Variants in TANC2 observed in about 807,000 individuals in gnomAD.
TANC2 encodes the protein protein TANC2.
TANC2 carries 26 observed loss-of-function variants against 210.5 expected under a neutral mutation model. That is an observed-to-expected ratio of 0.12 (90% CI 0.09 to 0.17). The LOEUF (loss-of-function observed/expected upper bound fraction) is 0.17. Ranked by LOEUF, TANC2 falls within the 10% of genes least tolerant of loss-of-function variation. The pLI is 1.00. For missense variants in TANC2, 2,129 were observed against 2,608.9 expected, an observed-to-expected ratio of 0.82 and a Z score of 4.01; for synonymous variants, 931 against 967.1, an observed-to-expected ratio of 0.96 and a Z score of 0.69.
intron 15 of TANC2, among the ~76,000 whole-genome samples, chr17:63,380,338 A>G (rs996103897): frequency 1.3e-5 from 2 of 152,220 alleles, no homozygotes; most frequent in African/African-American, 4.8e-5. Context: ...AACCTTTAAG[A>G]ACTCTATAAC....
chr17:63,081,165 G>A (rs946418696), intron 3 of TANC2, among the ~76,000 whole-genome samples: 1 of 152,094 alleles, frequency 6.6e-6, no homozygotes, highest in Non-Finnish European at 1.5e-5. Flanking sequence ...TTAATTTGTT[G>A]TAGATTTTTT....
At chr17:63,385,581 T>G (rs552119771) in intron 15 of TANC2, among the ~76,000 whole-genome samples, 9 of 152,244 alleles carry the variant, frequency 5.9e-5, no homozygotes, top group Non-Finnish European at 1.2e-4. Flanking sequence ...AAATGAGAGT[T>G]TGTAATTGAT....
At chr17:63,364,849 ATT>A (rs1438541359) in intron 14 of TANC2, among the ~76,000 whole-genome samples, 1 of 152,132 alleles carries the variant, frequency 6.6e-6, no homozygotes, top group Non-Finnish European at 1.5e-5. Flanking sequence ...TTACATCTAT[ATT>A]GTTTGTAAAA....
intron 4 of TANC2, chr17:63,149,804 A>G (rs1039109508): frequency 2.6e-5 from 4 of 152,146 alleles, no homozygotes; most frequent in Non-Finnish European, 5.9e-5. Flanking sequence ...TCTCACACTC[A>G]TAGCAAAGGT....
chr17:63,230,188 A>G (rs1440950436), intron 7 of TANC2, among the ~76,000 whole-genome samples: 1 of 152,002 alleles, frequency 6.6e-6, no homozygotes, highest in Non-Finnish European at 1.5e-5. Flanking sequence ...TTATTAGTCC[A>G]GTTAGCAGTC....
intron 17 of TANC2, chr17:63,393,481 A>G (rs891748941): frequency 6.6e-6 from 1 of 152,158 alleles, no homozygotes; most frequent in African/African-American, 2.4e-5. Context: ...AATGTTCTTC[A>G]TTATTTCAGA....
Position 63,004,382 on chromosome 17 carries a change from T to C in TANC2, c.-23-5155T>C, listed in dbSNP as rs567721997. Among the ~76,000 whole-genome samples the C allele has an allele frequency of 9.1e-3, 1,391 of 152,258 alleles. 10 individuals carry two copies. Among genetic ancestry groups the C allele is most frequent in the Non-Finnish European group, 0.015 (1,010 of 68,012 alleles). On this transcript the variant is annotated intron_variant, in intron 1 of 27. Transcript: ENST00000689528. ...GAGGACGTAAGAATGAATTTGTTTT[T>C]TCATACCACGTGGCATTTGTGCCAA...
chr17:63,384,557 T>C (rs1293387480), intron 15 of TANC2, among the ~76,000 whole-genome samples: 2 of 152,110 alleles, frequency 1.3e-5, no homozygotes, highest in Non-Finnish European at 2.9e-5. Context: ...ATGTTATATA[T>C]GTAACAATTA....
intron 3 of TANC2, among the ~76,000 whole-genome samples, chr17:63,075,715 A>C (rs2036548494): frequency 6.6e-6 from 1 of 151,782 alleles, no homozygotes; most frequent in Admixed American, 6.6e-5. Context: ...ATGAGTTTTC[A>C]CCATATTGGC....
At chr17:63,309,493 T>A (rs1475069293) in intron 9 of TANC2, among the ~76,000 whole-genome samples, 3 of 152,182 alleles carry the variant, frequency 2.0e-5, no homozygotes, top group Non-Finnish European at 2.9e-5. Flanking sequence ...TTTTGTGAAT[T>A]ATCTGGGTTT....
At chr17:63,071,076 A>G (rs926130285) in intron 2 of TANC2, among the ~76,000 whole-genome samples, 1 of 152,166 alleles carries the variant, frequency 6.6e-6, no homozygotes, top group African/African-American at 2.4e-5. Flanking sequence ...AATGTATCGT[A>G]TTTTCACACT....
At chr17:63,313,417 C>G (rs951215765) in intron 9 of TANC2, 3 of 152,138 alleles carry the variant, frequency 2.0e-5, no homozygotes, top group Non-Finnish European at 4.4e-5. Flanking sequence ...CTTTTACCAT[C>G]AATATAATTA....
At chr17:63,396,643 G>A (rs982211485) in intron 18 of TANC2, 2 of 152,130 alleles carry the variant, frequency 1.3e-5, no homozygotes, top group African/African-American at 2.4e-5. Flanking sequence ...ACAGCCGTAA[G>A]AAGAACAAAA....
chr17:63,297,142 C>T (rs908666209), intron 9 of TANC2, among the ~76,000 whole-genome samples: 3 of 152,072 alleles, frequency 2.0e-5, no homozygotes, highest in Admixed American at 6.6e-5. Context: ...TTGGTACTAC[C>T]CAAAGGAGTC....
intron 19 of TANC2, among the ~76,000 whole-genome samples, chr17:63,402,515 C>T (rs957272450): frequency 6.6e-6 from 1 of 152,152 alleles, no homozygotes; most frequent in African/African-American, 2.4e-5. Flanking sequence ...TCTTACATGA[C>T]CTGTCTGTGC....
In TANC2 at chr17:63,302,858, G is replaced by C. The variant is rs142913476; in HGVS notation, c.1160-11530G>C. 8.1e-3 allele frequency among the ~76,000 whole-genome samples: 1,232 copies of C among 152,004 alleles called. 17 individuals are homozygous for C. Among genetic ancestry groups the C allele is most frequent in the African/African-American group, 0.028 (1,172 of 41,420 alleles). On this transcript the variant is annotated intron_variant, in intron 9 of 27. Coordinates refer to ENST00000689528, the Ensembl canonical transcript of TANC2. Reference sequence around the variant, plus strand: ...AGCTCACTGCAACCTCTAACTCCCAGGTTCAAGGGATCCTCCTGCCTCAGC... The same window carrying C: ...AGCTCACTGCAACCTCTAACTCCCACGTTCAAGGGATCCTCCTGCCTCAGC...
rs535235875 is a variant in TANC2 at position 63,006,797 on chromosome 17, T to C, written c.-23-2740T>C. Among the ~76,000 whole-genome samples, 6 of 152,318 alleles carry C rather than the reference T, an allele frequency of 3.9e-5. No homozygotes were observed. In the South Asian group the frequency reaches 1.2e-3, roughly 32 times the overall value. ...CATATCATAGTTTTTTTTTTAAATC[T>C]ACTTGATCTTGTAGCTATTGACAAA... On this transcript the variant is annotated intron_variant, in intron 1 of 27. Coordinates refer to ENST00000689528, the Ensembl canonical transcript of TANC2.
At position 63,107,552 on chromosome 17, in the gene TANC2, A is replaced by T. The variant is rs188234616; in HGVS notation, c.322+8195A>T. On this transcript the variant is annotated intron_variant, in intron 4 of 27. Coordinates refer to ENST00000689528, the Ensembl canonical transcript of TANC2. ...GTACATGTATGTTCATAGCAGCATT[A>T]TTCATAATAGCCAAAGAGTGAAAAC... 4.2e-3 allele frequency among the ~76,000 whole-genome samples: 640 copies of T among 151,860 alleles called. 33 individuals carry two copies. Among genetic ancestry groups the T allele is most frequent in the African/African-American group, 0.015 (620 of 41,120 alleles).
intron 3 of TANC2, among the ~76,000 whole-genome samples, chr17:63,091,562 T>C (rs1307281521): frequency 6.6e-6 from 1 of 152,196 alleles, no homozygotes; most frequent in East Asian, 1.9e-4. Context: ...TCTGTTCCAT[T>C]GGTCGATACC....
Sources: allele counts gnomAD v4.1 joint callset (sites outside exome capture counted in the v4.1 genomes callset), GRCh38; gene constraint gnomAD v4.1.1; transcripts MANE v1.5; gene names NCBI Gene and HGNC (gene_info 2026-07-23, HGNC 2026-07-21).